PPP6R3: variants seen among roughly 807,000 people sequenced by gnomAD.
PPP6R3 encodes the protein serine/threonine-protein phosphatase 6 regulatory subunit 3.
A neutral mutation model predicts 110.7 loss-of-function variants in PPP6R3; 38 were observed. The ratio of observed to expected loss-of-function variants is 0.34; its 90% confidence interval spans 0.26 to 0.45. PPP6R3 has a LOEUF of 0.45. PPP6R3 is among the 20% of genes least tolerant of loss of function. PPP6R3 has a pLI of 1.00. For synonymous variants in PPP6R3, 369 were observed against 373.5 expected (o/e 0.99, Z 0.14); for missense variants, 870 against 1,062.4 (o/e 0.82, Z 2.52).
chr11:68,524,156 G>C (rs1048750250), intron 2 of PPP6R3, among the ~76,000 whole-genome samples: 2 of 152,164 alleles, frequency 1.3e-5, no homozygotes, highest in African/African-American at 4.8e-5. Context: ...GCCTCCAATT[G>C]AGGGGCCTCT....
At chr11:68,589,358 T>A (rs999073573) in intron 16 of PPP6R3, among the ~76,000 whole-genome samples, 1 of 152,088 alleles carries the variant, frequency 6.6e-6, no homozygotes, top group Non-Finnish European at 1.5e-5. Flanking sequence ...AGAAGGTAGA[T>A]TTGGGTTTTT....
At position 68,614,942 on chromosome 11, in the gene PPP6R3, G is replaced by A. The variant is rs1281235980; in HGVS notation, c.*1825G>A. 5 of 634,416 alleles carry A rather than the reference G, an allele frequency of 7.9e-6. No homozygotes were observed. Among genetic ancestry groups the A allele is most frequent in the Non-Finnish European group, 8.7e-6 (3 of 345,122 alleles). 39.3% of individuals were successfully genotyped at this position (634,416 alleles called of 1,614,324 possible). A position where few individuals can be genotyped will look rare whatever the true frequency, so the allele number is the denominator to read the frequency against. Reference sequence around the variant, plus strand: ...CCATGGCCAGGGTTTGGCTCCACTGGTGGCACACGTGGCCTCCGTGGTATG... The same window carrying A: ...CCATGGCCAGGGTTTGGCTCCACTGATGGCACACGTGGCCTCCGTGGTATG... On this transcript the variant is annotated 3_prime_UTR_variant, in exon 24 of 24. Transcript: ENST00000393800.
In PPP6R3 at chr11:68,613,053, T is replaced by C. The variant is rs1334815697; in HGVS notation, c.2571-13T>C. On this transcript the variant is annotated splice_polypyrimidine_tract_variant and intron_variant, in intron 23 of 23. Transcript: ENST00000393800. ...GCTGCAAGTGCCTCCGATGCCTGTC[T>C]GTTGCTCCTTAGGACTGGCCAACCA... is the stretch of plus-strand genomic sequence containing the variant. The C allele has an allele frequency of 5.6e-6, 9 of 1,614,210 alleles. No homozygotes were observed. Among genetic ancestry groups the C allele is most frequent in the Non-Finnish European group, 7.6e-6 (9 of 1,180,012 alleles).
intron 2 of PPP6R3, among the ~76,000 whole-genome samples, chr11:68,530,844 CA>C (rs2099234872): frequency 6.6e-6 from 1 of 152,124 alleles, no homozygotes; most frequent in South Asian, 2.1e-4. Context: ...ATAAAGTTGC[CA>C]AATTTAAGCA....
intron 2 of PPP6R3, among the ~76,000 whole-genome samples, chr11:68,524,176 A>C (rs748937249): frequency 3.9e-5 from 6 of 152,218 alleles, no homozygotes; most frequent in Non-Finnish European, 8.8e-5. Context: ...TCATGAAGCC[A>C]CAGACCTCAT....
intron 1 of PPP6R3, among the ~76,000 whole-genome samples, chr11:68,499,854 A>G (rs1592104163): frequency 6.6e-6 from 1 of 152,282 alleles, no homozygotes; most frequent in African/African-American, 2.4e-5. Flanking sequence ...GATTATAGGC[A>G]AGAGCCACTG....
intron 14 of PPP6R3, 100 bp from the exon 15 acceptor site, chr11:68,582,943 G>A (rs2099566958): frequency 6.4e-6 from 6 of 935,654 alleles, no homozygotes; most frequent in Admixed American, 3.0e-5. Flanking sequence ...TCTGTTACAC[G>A]TTGAGAAAAA....
chr11:68,578,805 G>A (rs2099541883), intron 14 of PPP6R3, among the ~76,000 whole-genome samples: 1 of 152,178 alleles, frequency 6.6e-6, no homozygotes, highest in Admixed American at 6.5e-5. Flanking sequence ...TACGTGCACA[G>A]CAGATTCATA....
intron 19 of PPP6R3, among the ~76,000 whole-genome samples, chr11:68,597,179 T>A (rs1289842935): frequency 6.6e-6 from 1 of 152,084 alleles, no homozygotes; most frequent in Non-Finnish European, 1.5e-5. Context: ...TGGGGTCGGC[T>A]GGGGAAGCAG....
chr11:68,609,529 T>A (rs750554519), intron 22 of PPP6R3: 2 of 1,455,476 alleles, frequency 1.4e-6, no homozygotes, highest in East Asian at 4.9e-5. Context: ...CGTGGACATA[T>A]TATTCCCCCA....
Position 68,567,024 on chromosome 11 carries a change from TG to T in PPP6R3, c.987del (p.Met329IlefsTer17). On this transcript the variant is annotated frameshift_variant, in exon 10 of 24. Transcript: ENST00000393800. LOFTEE classifies it high-confidence loss of function. ...CTTTTTCTTCTTCAGAAAAGTGTGA[TG>T]AAGACCACATGGGGTGTGCTGGATC... The part of the protein sequence containing the change: ...LLLEPPKKSV[M>X]KTTWGVLDPP... 6.5e-7 allele frequency: 1 copy of T among 1,544,184 alleles called. No homozygotes were observed. The highest frequency in any genetic ancestry group is 8.7e-7 in the Non-Finnish European group (1 of 1,144,840).
rs2099503680 is a variant in PPP6R3 at position 68,571,116 on chromosome 11, G to GT, written c.1343+19dup. 13 of 1,583,388 alleles carry GT rather than the reference G, an allele frequency of 8.2e-6. No individual in the cohort carries two copies. In the African/African-American group the frequency reaches 1.1e-4, roughly 13 times the overall value. ...AATGAGAAGAAACAGTAAGTAAATT[G>GT]TTTTTTTGAAAGGAATTCAGTTTGG... On this transcript the variant is annotated intron_variant, in intron 12 of 23. Transcript: ENST00000393800.
chr11:68,589,015 C>A (rs1041831454), intron 16 of PPP6R3, among the ~76,000 whole-genome samples: 1 of 151,774 alleles, frequency 6.6e-6, no homozygotes, highest in Non-Finnish European at 1.5e-5. Flanking sequence ...GAGACCAGCC[C>A]GGCCAACGTG....
intron 14 of PPP6R3, among the ~76,000 whole-genome samples, chr11:68,582,658 C>T (rs977172473): frequency 2.6e-5 from 4 of 152,340 alleles, no homozygotes; most frequent in Middle Eastern, 3.4e-3. Context: ...GCAGTTGGAC[C>T]CTGCAGGCCC....
rs1232225349 is a variant in PPP6R3, at chr11:68,544,822, T to A, written c.228-16T>A. On this transcript the variant is annotated splice_polypyrimidine_tract_variant and intron_variant, in intron 3 of 23. Transcript: ENST00000393800. Reference sequence around the variant, plus strand: ...CTGTTAATAAAGATGATGATGTAAATATCCTGTTCTTCTAGGTATCCAAAT... The same window carrying A: ...CTGTTAATAAAGATGATGATGTAAAAATCCTGTTCTTCTAGGTATCCAAAT... The A allele has an allele frequency of 6.5e-7, 1 of 1,534,850 alleles. No individual in the cohort carries two copies.
At chr11:68,461,038 C>T (rs2098700926) in intron 1 of PPP6R3, among the ~76,000 whole-genome samples, 1 of 151,788 alleles carries the variant, frequency 6.6e-6, no homozygotes, top group Admixed American at 6.6e-5. Flanking sequence ...CTCCTGTTAG[C>T]CGGGGGCCCC....
intron 1 of PPP6R3, among the ~76,000 whole-genome samples, chr11:68,516,923 C>G (rs2099140133): frequency 6.6e-6 from 1 of 151,692 alleles, no homozygotes; most frequent in South Asian, 2.1e-4. Flanking sequence ...TGTGTTACTT[C>G]ACTTTTTTGT....
At chr11:68,585,756 TAGTGTCTG>T (rs2099576313) in intron 15 of PPP6R3, among the ~76,000 whole-genome samples, 1 of 152,216 alleles carries the variant, frequency 6.6e-6, no homozygotes, top group Non-Finnish European at 1.5e-5. Context: ...TGGAAGTTAC[TAGTGTCTG>T]TGTCAGTTGC....
chr11:68,558,368 T>G lies in PPP6R3; in HGVS notation c.732-198T>G, dbSNP rs1180033942. 8.0e-6 allele frequency: 3 copies of G among 372,886 alleles called. No individual in the cohort carries two copies. The South Asian group carries it at 1.2e-4, about 14-fold the overall frequency. The allele number at this position is 372,886 out of a possible 1,614,324, so 23.1% of individuals were successfully genotyped here. A position where few individuals can be genotyped will look rare whatever the true frequency, so the allele number is the denominator to read the frequency against. On this transcript the variant is annotated intron_variant, in intron 7 of 23. Coordinates refer to ENST00000393800, the MANE Select transcript of PPP6R3 (RefSeq NM_001164161.2). ...TAGAAGGGTGAGTGAGTGAGTGTGT[T>G]TGTGTGCGGGTGCATGTGTGTAATT...
Sources: gnomAD v4.1 joint callset for allele counts (sites outside exome capture counted in the v4.1 genomes callset) on GRCh38, gnomAD v4.1.1 for gene constraint, MANE v1.5 for transcripts, NCBI Gene and HGNC (gene_info 2026-07-23, HGNC 2026-07-21) for gene names.